CDH23: variants seen among roughly 807,000 people sequenced by gnomAD.
CDH23 encodes cadherin-23.
In CDH23, 189 loss-of-function variants were observed where a neutral mutation model predicts 317.1. The ratio of observed to expected loss-of-function variants is 0.60; its 90% confidence interval spans 0.53 to 0.67. The LOEUF (loss-of-function observed/expected upper bound fraction) is 0.67, where lower values mean the gene tolerates loss of function less well. CDH23 is among the 30% of genes least tolerant of loss of function. CDH23 has a pLI of 0.00. For synonymous variants in CDH23, 1,839 were observed against 1,876.8 expected (o/e 0.98, Z 0.52); for missense variants, 4,401 against 4,592.4 (o/e 0.96, Z 1.20).
At chr10:71,541,343 C>T (rs377296184) in intron 6 of CDH23, among the ~76,000 whole-genome samples, 48 of 152,216 alleles carry the variant, frequency 3.2e-4, no homozygotes, top group Admixed American at 6.5e-4. Flanking sequence ...TGCCTATTGA[C>T]AACACACTCA....
At position 71,503,958 on chromosome 10, in the gene CDH23, T is replaced by G. The variant is rs144062628; in HGVS notation, c.146-6124T>G. Among the ~76,000 whole-genome samples the G allele has an allele frequency of 2.0e-3, 303 of 151,976 alleles. 3 individuals are homozygous for G. In the South Asian group the frequency reaches 0.026, roughly 13 times the overall value. On this transcript the variant is annotated intron_variant, in intron 3 of 69. Transcript: ENST00000224721. ...TGGGGCCAGATGGGGCTCAGCCCAG[T>G]GAGCCTGTGAGATTCAGTGATGGAT...
chr10:71,644,661 A>T (rs945489470), intron 12 of CDH23, among the ~76,000 whole-genome samples: 1 of 152,220 alleles, frequency 6.6e-6, no homozygotes, highest in African/African-American at 2.4e-5. Context: ...GTCCCACAAC[A>T]TACCCTAAGC....
At chr10:71,410,973 A>G (rs1206990100) in intron 1 of CDH23, among the ~76,000 whole-genome samples, 1 of 152,240 alleles carries the variant, frequency 6.6e-6, no homozygotes, top group Non-Finnish European at 1.5e-5. Flanking sequence ...ATATAGGTAT[A>G]TGCAATTCTA....
At chr10:71,489,857 G>T (rs1308139822) in intron 3 of CDH23, among the ~76,000 whole-genome samples, 1 of 152,076 alleles carries the variant, frequency 6.6e-6, no homozygotes, top group Non-Finnish European at 1.5e-5. Context: ...GGCCATTAGG[G>T]TTACAAATCC....
chr10:71,747,140 C>T (rs1839871123), intron 38 of CDH23, among the ~76,000 whole-genome samples: 1 of 152,170 alleles, frequency 6.6e-6, no homozygotes, highest in Admixed American at 6.5e-5. Context: ...TGCCCAGATG[C>T]TCCACATACA....
intron 1 of CDH23, among the ~76,000 whole-genome samples, chr10:71,437,416 A>G (rs1849668706): frequency 6.6e-6 from 1 of 152,266 alleles, no homozygotes; most frequent in East Asian, 1.9e-4. Flanking sequence ...GGAAACATCC[A>G]TACCATGAGC....
intron 11 of CDH23, among the ~76,000 whole-genome samples, chr10:71,628,599 G>A (rs995815505): frequency 2.6e-5 from 4 of 152,130 alleles, no homozygotes; most frequent in African/African-American, 9.7e-5. Context: ...CCCAGTTCAA[G>A]TGATTCTCCT....
rs535252381 is a variant in CDH23, at chr10:71,707,414, G to A, written c.3106+365G>A. On this transcript the variant is annotated intron_variant, in intron 26 of 69. Coordinates refer to ENST00000224721, the MANE Select transcript of CDH23 (RefSeq NM_022124.6). ...TGACAGAGCAGTGACTTGGAGGAAT[G>A]TGGCCTCATCCTTCCTTGGGGACCT... is the stretch of plus-strand genomic sequence containing the variant. 1.3e-5 allele frequency: 17 copies of A among 1,309,218 alleles called. No homozygotes were observed. In the South Asian group the frequency reaches 3.4e-4, roughly 26 times the overall value. 81.1% of individuals were successfully genotyped at this position (1,309,218 alleles called of 1,614,324 possible).
intron 35 of CDH23, among the ~76,000 whole-genome samples, chr10:71,739,370 G>A (rs79256581): frequency 0.021 from 3,251 of 152,256 alleles, 215 homozygotes; most frequent in East Asian, 0.19. Flanking sequence ...CTGGGAAGAC[G>A]TCAGTGCCAT....
chr10:71,646,070 A>C (rs1589293138), intron 13 of CDH23, 90 bp downstream of exon 13: 2 of 1,464,364 alleles, frequency 1.4e-6, no homozygotes, highest in Non-Finnish European at 1.9e-6. Context: ...CTTAGATCCC[A>C]CCTTCCACTG....
intron 28 of CDH23, chr10:71,716,151 C>T (rs938587590): frequency 6.4e-6 from 10 of 1,550,446 alleles, no homozygotes; most frequent in Admixed American, 2.0e-5. Flanking sequence ...GGGTCCAGCG[C>T]GGCCGGCTTG....
chr10:71,788,613 G>A (rs926508358), intron 44 of CDH23, among the ~76,000 whole-genome samples: 3 of 151,954 alleles, frequency 2.0e-5, no homozygotes, highest in East Asian at 1.9e-4. Flanking sequence ...GTGCCACCAC[G>A]CCCAGCTAAT....
At chr10:71,799,729 G>C in intron 52 of CDH23, 100 bp downstream of exon 52, 1 of 1,516,670 alleles carries the variant, frequency 6.6e-7, no homozygotes, top group African/African-American at 1.4e-5. Context: ...TCTGGGTCTT[G>C]TCGCCTGGAC....
chr10:71,491,022 A>G (rs1437713228), intron 3 of CDH23, among the ~76,000 whole-genome samples: 1 of 152,156 alleles, frequency 6.6e-6, no homozygotes, highest in African/African-American at 2.4e-5. Flanking sequence ...AAAAAATAAA[A>G]TAAAATAAAA....
intron 6 of CDH23, among the ~76,000 whole-genome samples, chr10:71,547,643 A>G (rs1856356668): frequency 6.7e-6 from 1 of 149,154 alleles, no homozygotes; most frequent in Non-Finnish European, 1.5e-5. Flanking sequence ...CGGTCCCCGC[A>G]GGGGTGGTGG....
intron 61 of CDH23, 34 bp from the exon 62 acceptor site, chr10:71,810,438 G>C: frequency 6.2e-7 from 1 of 1,604,018 alleles, no homozygotes. Context: ...CCCTGCTGTG[G>C]TGGCCACACC....
intron 11 of CDH23, among the ~76,000 whole-genome samples, chr10:71,630,516 G>C (rs1861956273): frequency 6.6e-6 from 1 of 152,184 alleles, no homozygotes; most frequent in Non-Finnish European, 1.5e-5. Context: ...GGGAGGAAGG[G>C]AGTTAAGAGT....
chr10:71,729,817 T>A (rs556980859), intron 30 of CDH23, among the ~76,000 whole-genome samples: 337 of 151,878 alleles, frequency 2.2e-3, no homozygotes, highest in Admixed American at 4.6e-3. Flanking sequence ...TGGCATGGAG[T>A]GTGAACTATT....
At chr10:71,715,555 TCTC>T (rs931085013) in intron 28 of CDH23, 1 of 183,366 alleles carries the variant, frequency 5.5e-6, no homozygotes, top group Admixed American at 6.0e-5. Context: ...TTTGGCAACT[TCTC>T]CATGCTGGGC....
Sources: allele counts gnomAD v4.1 joint callset (sites outside exome capture counted in the v4.1 genomes callset), GRCh38; gene constraint gnomAD v4.1.1; transcripts MANE v1.5; gene names NCBI Gene and HGNC (gene_info 2026-07-23, HGNC 2026-07-21).